NR6A1: variants seen among roughly 807,000 people sequenced by gnomAD.
NR6A1 encodes nuclear receptor subfamily 6 group A member 1.
Under a neutral mutation model 59.1 loss-of-function variants are expected in NR6A1, and 7 were observed. The ratio of observed to expected loss-of-function variants is 0.12; its 90% CI spans 0.07 to 0.22. The LOEUF is 0.22. Ranked by LOEUF, NR6A1 falls within the 10% of genes least tolerant of loss-of-function variation. The probability of loss-of-function intolerance (pLI) is 1.00; values close to 1 mark genes in which losing one functional copy is unlikely to be tolerated. For synonymous variants in NR6A1, 243 were observed against 236.1 expected (o/e 1.03, Z -0.27); for missense variants, 468 against 611.6 (o/e 0.77, Z 2.48).
chr9:124,643,836 T>A (rs1249347418), intron 2 of NR6A1, among the ~76,000 whole-genome samples: 3 of 152,036 alleles, frequency 2.0e-5, no homozygotes, highest in Non-Finnish European at 4.4e-5. Context: ...ATTAAATATA[T>A]TTTAAAAATC....
chr9:124,526,705 TGAA>T, intron 8 of NR6A1, 71 bp downstream of exon 8: 1 of 1,587,844 alleles, frequency 6.3e-7, no homozygotes, highest in Non-Finnish European at 8.6e-7. Context: ...TAAGGAGGGG[TGAA>T]ACAGGAGGGC....
Position 124,771,034 on chromosome 9 carries a change from G to A in NR6A1, c.86C>T (p.Pro29Leu). The change falls in exon 1 of 10, where the codon CCG becomes CTG. Residue 29 changes from proline (P) to leucine (L), a missense_variant. Around this residue, in one of 4 missense-constraint regions of NR6A1, gnomAD observed 75 missense variants for 65.6 expected, o/e 1.14. Transcript: ENST00000487099. ...GFLEPPAALP[P>L]PPRNGFCQDE... is the part of the protein sequence containing the mutation. ...CCCTCACCCACCGTTGCGCGGCGGC[G>A]GAGGGAGCGCGGCGGGAGGCTCCAG... 3.3e-6 allele frequency: 4 copies of A among 1,229,926 alleles called. No homozygotes were observed. Among genetic ancestry groups the A allele is most frequent in the Non-Finnish European group, 3.0e-6 (3 of 986,564 alleles). The allele number at this position is 1,229,926 out of a possible 1,614,324, so 76.2% of individuals were successfully genotyped here.
intron 2 of NR6A1, among the ~76,000 whole-genome samples, chr9:124,691,585 C>T (rs868394251): frequency 2.6e-5 from 4 of 152,164 alleles, no homozygotes; most frequent in African/African-American, 7.2e-5. Context: ...CCACTATGTC[C>T]TATAATGTAC....
chr9:124,648,419 T>C (rs1012230790), intron 2 of NR6A1, among the ~76,000 whole-genome samples: 7 of 152,072 alleles, frequency 4.6e-5, no homozygotes, highest in Non-Finnish European at 1.5e-5. Context: ...CACTTCATAA[T>C]AAAAACTCAA....
At chr9:124,545,291 C>T (rs911098116) in intron 3 of NR6A1, among the ~76,000 whole-genome samples, 10 of 152,192 alleles carry the variant, frequency 6.6e-5, no homozygotes, top group African/African-American at 2.2e-4. Context: ...AACCTTAGGG[C>T]CTTGCATGTA....
At chr9:124,618,694 C>A (rs1228149198) in intron 2 of NR6A1, among the ~76,000 whole-genome samples, 1 of 152,086 alleles carries the variant, frequency 6.6e-6, no homozygotes, top group South Asian at 2.1e-4. Flanking sequence ...TAGGGAAATA[C>A]CACATCCTTA....
intron 1 of NR6A1, among the ~76,000 whole-genome samples, chr9:124,733,788 A>G (rs1927034): frequency 0.01 from 1,572 of 152,344 alleles, 26 homozygotes; most frequent in African/African-American, 0.036. Context: ...TATTAACAAC[A>G]ATATCAGACA....
chr9:124,619,161 G>A (rs552646171), intron 2 of NR6A1, among the ~76,000 whole-genome samples: 13 of 152,074 alleles, frequency 8.5e-5, no homozygotes, highest in Non-Finnish European at 1.5e-4. Context: ...GCAACCATTC[G>A]TTAAAACAAT....
intron 7 of NR6A1, among the ~76,000 whole-genome samples, chr9:124,527,184 T>C (rs151152775): frequency 6.6e-6 from 1 of 152,342 alleles, no homozygotes; most frequent in Non-Finnish European, 1.5e-5. Flanking sequence ...CTCTATGCTT[T>C]GAGGTCCTCC....
chr9:124,572,916 T>A (rs1208321228), intron 2 of NR6A1, among the ~76,000 whole-genome samples: 3 of 152,148 alleles, frequency 2.0e-5, no homozygotes, highest in Non-Finnish European at 4.4e-5. Context: ...TCAAAAAGCA[T>A]TAAAGTGAGG....
chr9:124,544,061 A>G lies in NR6A1; in HGVS notation c.386-204T>C, dbSNP rs535070429. On this transcript the variant is annotated intron_variant, in intron 3 of 9. Transcript: ENST00000487099. ...AGGCAGCAATATTTTGGGGCCCCCAAGGCATTGCGTACATACTACACACAC... is the reference window on the plus strand; with the variant it reads ...AGGCAGCAATATTTTGGGGCCCCCAGGGCATTGCGTACATACTACACACAC... 1.1e-3 allele frequency among the ~76,000 whole-genome samples: 175 copies of G among 152,370 alleles called. 1 individual carries two copies. The highest frequency in any genetic ancestry group is 3.8e-3 in the African/African-American group (159 of 41,596).
intron 1 of NR6A1, among the ~76,000 whole-genome samples, chr9:124,741,572 C>T (rs1013279399): frequency 2.0e-5 from 3 of 152,178 alleles, no homozygotes; most frequent in Admixed American, 6.5e-5. Context: ...AAGTTGTACA[C>T]TTCAAATGGT....
At chr9:124,652,242 C>T (rs997058367) in intron 2 of NR6A1, among the ~76,000 whole-genome samples, 7 of 152,116 alleles carry the variant, frequency 4.6e-5, no homozygotes, top group Non-Finnish European at 8.8e-5. Context: ...TCTGATATAA[C>T]CTATTATTTC....
In NR6A1 at chr9:124,533,424, G is replaced by C. The variant is rs981558266; in HGVS notation, c.1079+2454C>G. Among the ~76,000 whole-genome samples the C allele has an allele frequency of 2.6e-5, 4 of 152,336 alleles. No homozygotes were observed. In the South Asian group the frequency reaches 8.3e-4, roughly 32 times the overall value. ...TTACAGATCACCCTGAAGCCAGTAA[G>C]CATCATTAATAAGGAAATATTAGAA... On this transcript the variant is annotated intron_variant, in intron 7 of 9. Coordinates refer to ENST00000487099, the MANE Select transcript of NR6A1 (RefSeq NM_033334.4).
At chr9:124,717,549 C>T (rs59716689) in intron 2 of NR6A1, among the ~76,000 whole-genome samples, 2,498 of 152,156 alleles carry the variant, frequency 0.016, 75 homozygotes, top group East Asian at 0.15. Context: ...GAAGTTATTG[C>T]TTTTTGGGGT....
At chr9:124,730,105 G>A (rs1006960001) in intron 2 of NR6A1, among the ~76,000 whole-genome samples, 7 of 152,132 alleles carry the variant, frequency 4.6e-5, no homozygotes, top group Non-Finnish European at 8.8e-5. Flanking sequence ...GAGCCACCAC[G>A]CCTGGCCTAA....
chr9:124,647,449 C>A (rs1238446442), intron 2 of NR6A1, among the ~76,000 whole-genome samples: 1 of 152,068 alleles, frequency 6.6e-6, no homozygotes, highest in East Asian at 1.9e-4. Flanking sequence ...AAATGGGGGC[C>A]GGCCGCAGTG....
Position 124,642,106 on chromosome 9 carries a change from T to C in NR6A1, c.143-87536A>G, listed in dbSNP as rs530665274. 2.0e-5 allele frequency among the ~76,000 whole-genome samples: 3 copies of C among 152,280 alleles called. No individual in the cohort carries two copies. In the South Asian group the frequency reaches 6.2e-4, roughly 32 times the overall value. On this transcript the variant is annotated intron_variant, in intron 2 of 9. Coordinates refer to ENST00000487099, the MANE Select transcript of NR6A1 (RefSeq NM_033334.4). ...CTCTGTCACCTAGGCCGGACTGCAG[T>C]GGCGCGATCTCAGCTCACTGCAACC... is the stretch of plus-strand genomic sequence containing the variant.
intron 2 of NR6A1, among the ~76,000 whole-genome samples, chr9:124,671,298 TTG>T (rs905319318): frequency 6.6e-6 from 1 of 152,196 alleles, no homozygotes; most frequent in South Asian, 2.1e-4. Flanking sequence ...TGGAGTGCTT[TTG>T]TGTGTGTGTT....
Sources: allele counts gnomAD v4.1 joint callset (sites outside exome capture counted in the v4.1 genomes callset), GRCh38; gene constraint gnomAD v4.1.1; regional missense constraint gnomAD v4.1.1; transcripts MANE v1.5; gene names NCBI Gene and HGNC (gene_info 2026-07-23, HGNC 2026-07-21).